Variants in MRPL42 observed in about 807,000 individuals in gnomAD.
MRPL42 encodes the protein large ribosomal subunit protein mL42.
A neutral mutation model predicts 17.9 loss-of-function variants in MRPL42; 17 were observed. That is an observed-to-expected ratio of 0.95 (90% CI 0.65 to 1.42). MRPL42 has a LOEUF of 1.42. Among genes scored for constraint, MRPL42 ranks in the 40% most tolerant of loss-of-function variants. The probability of loss-of-function intolerance (pLI) is 0.00; values close to 1 mark genes in which losing one functional copy is unlikely to be tolerated. For synonymous variants in MRPL42, 59 were observed against 54.4 expected (o/e 1.08, Z -0.37); for missense variants, 177 against 175.2 (o/e 1.01, Z -0.06).
chr12:93,489,588 C>CA (rs1953374199), intron 5 of MRPL42, among the ~76,000 whole-genome samples: 1 of 151,946 alleles, frequency 6.6e-6, no homozygotes, highest in Admixed American at 6.6e-5. Context: ...GGCTGGAGTG[C>CA]AGTGGTGTGA....
At chr12:93,477,822 C>T (rs1023639194) in intron 3 of MRPL42, among the ~76,000 whole-genome samples, 1 of 152,170 alleles carries the variant, frequency 6.6e-6, no homozygotes, top group African/African-American at 2.4e-5. Flanking sequence ...GCCACCATGC[C>T]TGGCTAATTT....
Position 93,484,975 on chromosome 12 carries a change from C to CATATATATATACATATATATATAT in MRPL42, c.220-2521_220-2520insTATATATATACATATATATATATA, listed in dbSNP as rs1565813718. ...GCTTTTTAAAAAACACACACACACA[C>CATATATATATACATATATATATAT]ACACATATATATATATATATATATA... On this transcript the variant is annotated intron_variant, in intron 4 of 5. Transcript: ENST00000549982. Among the ~76,000 whole-genome samples, 84 of 23,182 alleles carry CATATATATATACATATATATATAT rather than the reference C, an allele frequency of 3.6e-3. 3 individuals carry two copies. Among genetic ancestry groups the CATATATATATACATATATATATAT allele is most frequent in the Admixed American group, 5.0e-3 (9 of 1,792 alleles). 15.2% of individuals were successfully genotyped at this position (23,182 alleles called of 152,430 possible).
rs1398270272 is a variant in MRPL42 at position 93,514,337 on chromosome 12, A to G, written c.*13116A>G. ...TTTTGAGATGGCGTCTCCTCTGTCA[A>G]TCTCGGTTCATTGCAACCTCCACCT... On this transcript the variant is annotated 3_prime_UTR_variant, in exon 6 of 6. Transcript: ENST00000549982. The G allele has an allele frequency of 7.2e-6, 1 of 139,464 alleles. No individual in the cohort carries two copies. The highest frequency in any genetic ancestry group is 2.1e-4 in the East Asian group (1 of 4,802). The allele number at this position is 139,464 out of a possible 1,614,324, so 8.6% of individuals were successfully genotyped here.
At chr12:93,468,344 A>T (rs1299355147) in intron 1 of MRPL42, among the ~76,000 whole-genome samples, 1 of 152,208 alleles carries the variant, frequency 6.6e-6, no homozygotes, top group Non-Finnish European at 1.5e-5. Flanking sequence ...AAGACTATTA[A>T]AAACAAGATT....
rs189201039 is a variant in MRPL42 at position 93,504,753 on chromosome 12, T to C, written c.*3532T>C. On this transcript the variant is annotated 3_prime_UTR_variant, in exon 6 of 6. Transcript: ENST00000549982. ...ATGTAACTTCTTTAGATTCTGTTGTTACGTGCAACACTGTATATCTCTCCA... is the reference window on the plus strand; with the variant it reads ...ATGTAACTTCTTTAGATTCTGTTGTCACGTGCAACACTGTATATCTCTCCA... 1 of 152,332 alleles carries C rather than the reference T, an allele frequency of 6.6e-6. No homozygotes were observed. Among genetic ancestry groups the C allele is most frequent in the East Asian group, 1.9e-4 (1 of 5,190 alleles). The allele number at this position is 152,332 out of a possible 1,614,324, so 9.4% of individuals were successfully genotyped here.
intron 1 of MRPL42, 30 bp from the exon 2 acceptor site, chr12:93,469,162 A>G: frequency 1.5e-6 from 1 of 660,520 alleles, no homozygotes; most frequent in Non-Finnish European, 2.6e-6. Flanking sequence ...TACCATAGGT[A>G]GCACTGATTT....
chr12:93,475,275 C>T (rs1413809968), intron 2 of MRPL42, among the ~76,000 whole-genome samples: 3 of 151,806 alleles, frequency 2.0e-5, no homozygotes, highest in South Asian at 2.1e-4. Flanking sequence ...CCACCACACC[C>T]GGCTAATTTT....
intron 4 of MRPL42, among the ~76,000 whole-genome samples, chr12:93,480,525 AT>A (rs1353713605): frequency 6.7e-6 from 1 of 149,952 alleles, no homozygotes; most frequent in African/African-American, 2.5e-5. Flanking sequence ...GTGCCGGTTG[AT>A]TTGACAAATA....
chr12:93,486,801 A>G (rs1222703503), intron 4 of MRPL42, among the ~76,000 whole-genome samples: 3 of 152,086 alleles, frequency 2.0e-5, no homozygotes, highest in African/African-American at 7.2e-5. Context: ...GAAAATAAGA[A>G]CATTAAATGA....
chr12:93,476,966 A>T lies in MRPL42; in HGVS notation c.83A>T (p.Tyr28Phe). Residue 28 changes from tyrosine to phenylalanine, a missense_variant, in exon 3 of 6, where the codon TAT (tyrosine) becomes TTT (phenylalanine). Tyr to Phe is a conservative substitution (Grantham distance 22). Coordinates refer to ENST00000549982, the MANE Select transcript of MRPL42 (RefSeq NM_014050.4). Reference protein sequence around the residue: ...HLFPVQNGALYCVCHKSTYSP... With the variant: ...HLFPVQNGALFCVCHKSTYSP... ...GGGGTTTTTGCAGATGGAGCTTTAT[A>T]TTGTGTTTGTCATAAATCTACGTAT... 1 of 1,609,596 alleles carries T rather than the reference A, an allele frequency of 6.2e-7. No individual in the cohort carries two copies. Among genetic ancestry groups the T allele is most frequent in the Non-Finnish European group, 8.5e-7 (1 of 1,176,964 alleles).
At chr12:93,491,147 T>C (rs1164243069) in intron 5 of MRPL42, among the ~76,000 whole-genome samples, 2 of 152,220 alleles carry the variant, frequency 1.3e-5, no homozygotes, top group Non-Finnish European at 2.9e-5. Flanking sequence ...TGCCTTGGGC[T>C]CCCAAAGTGC....
chr12:93,485,001 T>TACAC (rs1245590702), intron 4 of MRPL42, among the ~76,000 whole-genome samples: 10 of 25,248 alleles, frequency 4.0e-4, no homozygotes, highest in Non-Finnish European at 6.9e-4. Flanking sequence ...TATATATATA[T>TACAC]ATATATATAT....
At chr12:93,470,676 C>T in intron 2 of MRPL42, 1 of 542,116 alleles carries the variant, frequency 1.8e-6, no homozygotes, top group Non-Finnish European at 2.5e-6. Flanking sequence ...CCATATGTAC[C>T]CAATGTTTAC....
rs992817051 is a variant in MRPL42 at position 93,503,745 on chromosome 12, C to G, written c.*2524C>G. ...TGTATTTCTCTGCATAAATATATTT[C>G]AAAAATAAAAATAGAGCTCATAATA... On this transcript the variant is annotated 3_prime_UTR_variant, in exon 6 of 6. Coordinates refer to ENST00000549982, the MANE Select transcript of MRPL42 (RefSeq NM_014050.4). 6.6e-6 allele frequency: 1 copy of G among 151,176 alleles called. No homozygotes were observed. The highest frequency in any genetic ancestry group is 1.5e-5 in the Non-Finnish European group (1 of 67,870). The allele number at this position is 151,176 out of a possible 1,614,324, so 9.4% of individuals were successfully genotyped here.
At position 93,469,224 on chromosome 12, in the gene MRPL42, TA is replaced by T; in HGVS notation, c.-58del. 1.5e-6 allele frequency: 2 copies of T among 1,356,962 alleles called. No homozygotes were observed. The highest frequency in any genetic ancestry group is 1.0e-6 in the Non-Finnish European group (1 of 969,758). 84.1% of individuals were successfully genotyped at this position (1,356,962 alleles called of 1,614,324 possible). A position where few individuals can be genotyped will look rare whatever the true frequency, so the allele number is the denominator to read the frequency against. On this transcript the variant is annotated 5_prime_UTR_variant, in exon 2 of 6. Coordinates refer to ENST00000549982, the MANE Select transcript of MRPL42 (RefSeq NM_014050.4). ...AATTGGTATGCTTAGAAGCAGATTCTAAAAGCAGTTTCTCTTCAGAACATCT... is the reference window on the plus strand; with the variant it reads ...AATTGGTATGCTTAGAAGCAGATTCTAAAGCAGTTTCTCTTCAGAACATCT...
At chr12:93,474,396 C>T (rs1016901223) in intron 2 of MRPL42, among the ~76,000 whole-genome samples, 2 of 150,354 alleles carry the variant, frequency 1.3e-5, no homozygotes, top group African/African-American at 2.5e-5. Flanking sequence ...GCCTTGGCCT[C>T]GCAAAGCGCT....
intron 1 of MRPL42, 67 bp from the exon 2 acceptor site, chr12:93,469,125 C>T: frequency 1.8e-6 from 1 of 551,068 alleles, no homozygotes; most frequent in Non-Finnish European, 3.2e-6. Flanking sequence ...TTACCTTGTT[C>T]TTGTGGTGTT....
At chr12:93,491,896 G>A (rs764105234) in intron 5 of MRPL42, among the ~76,000 whole-genome samples, 2 of 152,156 alleles carry the variant, frequency 1.3e-5, no homozygotes, top group African/African-American at 2.4e-5. Context: ...GTGTTAATTC[G>A]CTTAGGATAA....
chr12:93,471,564 G>A (rs1437496068), intron 2 of MRPL42, among the ~76,000 whole-genome samples: 2 of 152,054 alleles, frequency 1.3e-5, no homozygotes, highest in South Asian at 2.1e-4. Context: ...GCCTCCGAGA[G>A]TGCTGGGATT....
Sources: gnomAD v4.1 joint callset for allele counts (sites outside exome capture counted in the v4.1 genomes callset) on GRCh38, gnomAD v4.1.1 for gene constraint, MANE v1.5 for transcripts, NCBI Gene and HGNC (gene_info 2026-07-23, HGNC 2026-07-21) for gene names.